The following ADCY2 variants were observed in gnomAD, a reference collection of about 807,000 sequenced individuals.
The protein encoded by ADCY2 is adenylate cyclase 2, also known as adenylate cyclase type 2.
Under a neutral mutation model 125.2 loss-of-function variants are expected in ADCY2, and 31 were observed. The observed-to-expected ratio is 0.25, with a 90% CI of 0.19 to 0.33. The LOEUF is 0.33. Among genes scored for constraint, ADCY2 ranks in the 10% least tolerant of loss-of-function variants. The pLI is 1.00. For synonymous variants in ADCY2, 512 were observed against 548.4 expected (o/e 0.93, Z 0.93); for missense variants, 904 against 1,418.2 (o/e 0.64, Z 5.82).
chr5:7,398,815 G>T lies in ADCY2; in HGVS notation c.210+2309G>T, dbSNP rs1034679873. Among the ~76,000 whole-genome samples the T allele has an allele frequency of 3.3e-5, 5 of 152,196 alleles. No individual in the cohort carries two copies. The East Asian group carries it at 7.7e-4, about 23-fold the overall frequency. The stretch of plus-strand genomic sequence containing the variant: ...TGTGTTCTGAAACCGGACCTGAGTC[G>T]GGACTGGGATGATGTTGGGCTCCCA... On this transcript the variant is annotated intron_variant, in intron 1 of 24. Transcript: ENST00000338316.
At chr5:7,460,084 C>G (rs1741863561) in intron 2 of ADCY2, among the ~76,000 whole-genome samples, 1 of 151,906 alleles carries the variant, frequency 6.6e-6, no homozygotes, top group South Asian at 2.1e-4. Context: ...CGGTGCCCAG[C>G]TGTTTAAGAG....
intron 12 of ADCY2, among the ~76,000 whole-genome samples, chr5:7,718,145 AT>A (rs59353850): frequency 0.022 from 2,537 of 115,328 alleles, 32 homozygotes; most frequent in African/African-American, 0.069. Context: ...CCTGTTTTAG[AT>A]TTTTTTTTTT....
intron 14 of ADCY2, among the ~76,000 whole-genome samples, chr5:7,736,060 AAT>A (rs1016318682): frequency 2.0e-5 from 3 of 152,058 alleles, no homozygotes; most frequent in African/African-American, 7.2e-5. Context: ...CTCTACCAAA[AAT>A]ACAAAAATTG....
chr5:7,772,165 G>GT, intron 17 of ADCY2, among the ~76,000 whole-genome samples: 2 of 152,318 alleles, frequency 1.3e-5, no homozygotes, highest in East Asian at 3.9e-4. Flanking sequence ...CTGGCTGAAA[G>GT]TAAGTGAGCT....
chr5:7,414,002 G>T (rs905830930), intron 1 of ADCY2, among the ~76,000 whole-genome samples: 7 of 151,940 alleles, frequency 4.6e-5, no homozygotes, highest in African/African-American at 1.7e-4. Flanking sequence ...TAACAAACAT[G>T]GCGCCCTCCT....
Position 7,817,546 on chromosome 5 carries a change from G to C in ADCY2, c.2998+566G>C, listed in dbSNP as rs532819872. 6.6e-4 allele frequency among the ~76,000 whole-genome samples: 101 copies of C among 152,170 alleles called. 3 individuals carry two copies. In the South Asian group the frequency reaches 0.021, roughly 31 times the overall value. ...AATATTGTTAAAAAATAACCTTTAG[G>C]CCTGGTGCAGTGGCTCATGCCTGTA... On this transcript the variant is annotated intron_variant, in intron 23 of 24. Coordinates refer to ENST00000338316, the MANE Select transcript of ADCY2 (RefSeq NM_020546.3).
intron 14 of ADCY2, among the ~76,000 whole-genome samples, chr5:7,731,437 G>A (rs183258210): frequency 2.8e-4 from 43 of 151,512 alleles, no homozygotes; most frequent in African/African-American, 1.0e-3. Context: ...TGTATTTTTA[G>A]TAGAGACAGG....
chr5:7,773,670 T>C lies in ADCY2; in HGVS notation c.2384+569T>C, dbSNP rs893071756. ...CTAGAGATTTTCTAAAATACTGTTA[T>C]GGGGAAGGGGAACTATCAGTCCTGA... is the stretch of plus-strand genomic sequence containing the variant. On this transcript the variant is annotated intron_variant, in intron 18 of 24. Transcript: ENST00000338316. Among the ~76,000 whole-genome samples, 8 of 152,308 alleles carry C rather than the reference T, an allele frequency of 5.3e-5. No homozygotes were observed. The South Asian group carries it at 1.5e-3, about 28-fold the overall frequency.
At chr5:7,512,981 C>T (rs753808610) in intron 2 of ADCY2, among the ~76,000 whole-genome samples, 7 of 151,978 alleles carry the variant, frequency 4.6e-5, no homozygotes, top group East Asian at 1.9e-4. Context: ...CTTGTGGGTC[C>T]GCCTGGGTCT....
chr5:7,789,177 AC>A (rs1744175743), intron 19 of ADCY2, among the ~76,000 whole-genome samples: 1 of 152,254 alleles, frequency 6.6e-6, no homozygotes, highest in East Asian at 1.9e-4. Flanking sequence ...ACATAATTAT[AC>A]AATTTGTGTT....
chr5:7,802,308 A>G lies in ADCY2; in HGVS notation c.2719A>G (p.Lys907Glu). Residue 907 changes from lysine (K) to glutamate (E), a missense_variant, in exon 21 of 25, where the codon AAG (lysine) becomes GAG (glutamate). Around this residue, in one of 7 missense-constraint regions of ADCY2, gnomAD observed 181 missense variants for 381.6 expected, o/e 0.47. Coordinates refer to ENST00000338316, the MANE Select transcript of ADCY2 (RefSeq NM_020546.3). The surrounding 1 kb of genome is among the most constrained non-coding windows in gnomAD (Gnocchi z 4.6). ...KEFYTESDVN[K>E]EGLECLRLLN... Reference sequence around the variant, plus strand: ...ATTTTATACAGAATCCGACGTGAACAAGGAGGGCTTGGAATGCCTTCGGCT... The same window carrying G: ...ATTTTATACAGAATCCGACGTGAACGAGGAGGGCTTGGAATGCCTTCGGCT... The G allele has an allele frequency of 6.2e-7, 1 of 1,614,178 alleles. No individual in the cohort carries two copies. The highest frequency in any genetic ancestry group is 8.5e-7 in the Non-Finnish European group (1 of 1,180,028).
intron 19 of ADCY2, 54 bp downstream of exon 19, chr5:7,784,503 A>C: frequency 2.3e-6 from 3 of 1,309,734 alleles, no homozygotes; most frequent in Non-Finnish European, 3.3e-6. Flanking sequence ...GTGCTGTATT[A>C]ATAGTGCTTT....
At chr5:7,762,105 T>A (rs1236269393) in intron 16 of ADCY2, among the ~76,000 whole-genome samples, 1 of 152,238 alleles carries the variant, frequency 6.6e-6, no homozygotes, top group African/African-American at 2.4e-5. Flanking sequence ...CCACTTTTCC[T>A]GTCTATCGAT....
At chr5:7,412,085 A>AAG (rs1173027414) in intron 1 of ADCY2, among the ~76,000 whole-genome samples, 6 of 152,080 alleles carry the variant, frequency 3.9e-5, no homozygotes, top group Non-Finnish European at 1.5e-5. Flanking sequence ...AAAAAAAAAA[A>AAG]AGAGAAGCAC....
intron 3 of ADCY2, among the ~76,000 whole-genome samples, chr5:7,594,660 G>A (rs970370851): frequency 6.6e-6 from 1 of 152,186 alleles, no homozygotes; most frequent in Non-Finnish European, 1.5e-5. Context: ...AAATCTTGAT[G>A]AGAGCAGGGG....
At chr5:7,498,764 ACTAC>A (rs1442379713) in intron 2 of ADCY2, among the ~76,000 whole-genome samples, 5 of 152,140 alleles carry the variant, frequency 3.3e-5, no homozygotes, top group Non-Finnish European at 5.9e-5. Flanking sequence ...AAATTAGAAA[ACTAC>A]CTACATGTCC....
chr5:7,734,215 G>A (rs1742183813), intron 14 of ADCY2, among the ~76,000 whole-genome samples: 1 of 152,180 alleles, frequency 6.6e-6, no homozygotes, highest in Non-Finnish European at 1.5e-5. Flanking sequence ...AAGAGTCCGT[G>A]AAAGTCATGA....
At chr5:7,541,677 G>C (rs1462044144) in intron 3 of ADCY2, among the ~76,000 whole-genome samples, 1 of 152,174 alleles carries the variant, frequency 6.6e-6, no homozygotes, top group Non-Finnish European at 1.5e-5. Context: ...GAGATCAAAG[G>C]CTTGTTGGGT....
chr5:7,450,263 T>C (rs1741424753), intron 2 of ADCY2, among the ~76,000 whole-genome samples: 1 of 152,172 alleles, frequency 6.6e-6, no homozygotes, highest in Admixed American at 6.5e-5. Context: ...GAAACGTTCT[T>C]GAAGGTAATT....
Sources: gnomAD v4.1 joint callset for allele counts (sites outside exome capture counted in the v4.1 genomes callset) on GRCh38, gnomAD v4.1.1 for gene constraint, gnomAD v4.1.1 regional missense constraint, Gnocchi (gnomAD v3.1) non-coding constraint, MANE v1.5 for transcripts, NCBI Gene and HGNC (gene_info 2026-07-23, HGNC 2026-07-21) for gene names.